The following NEGR1 variants were observed in gnomAD, a reference collection of about 807,000 sequenced individuals.
The protein encoded by NEGR1 is neuronal growth regulator 1.
A neutral mutation model predicts 40.9 loss-of-function variants in NEGR1; 10 were observed. The ratio of observed to expected loss-of-function variants is 0.24; its 90% confidence interval spans 0.15 to 0.42. NEGR1 has a LOEUF of 0.42. Ranked by LOEUF, NEGR1 falls within the 10% of genes least tolerant of loss-of-function variation. The pLI, the probability that NEGR1 is intolerant of heterozygous loss-of-function variation, is 1.00. For missense variants in NEGR1, 352 were observed against 438.9 expected, an observed-to-expected ratio of 0.80 and a Z score of 1.77; for synonymous variants, 185 against 166.8, an observed-to-expected ratio of 1.11 and a Z score of -0.84.
intron 1 of NEGR1, among the ~76,000 whole-genome samples, chr1:72,164,301 TA>T (rs1199924820): frequency 5.3e-5 from 8 of 151,316 alleles, no homozygotes; most frequent in African/African-American, 2.0e-4. Flanking sequence ...GTTTTTTTTT[TA>T]AATTTTTATT....
chr1:71,963,807 CA>C (rs2100301561), intron 1 of NEGR1, among the ~76,000 whole-genome samples: 1 of 152,162 alleles, frequency 6.6e-6, no homozygotes, highest in South Asian at 2.1e-4. Flanking sequence ...ATTTTTTTGA[CA>C]GTGTAGATTT....
chr1:72,270,293 A>G (rs1319466689), intron 1 of NEGR1, among the ~76,000 whole-genome samples: 2 of 151,872 alleles, frequency 1.3e-5, no homozygotes, highest in East Asian at 3.9e-4. Flanking sequence ...CATGACTATA[A>G]AACACTATGC....
At chr1:71,759,596 CTTTTTTTT>C (rs71074804) in intron 3 of NEGR1, among the ~76,000 whole-genome samples, 8 of 31,958 alleles carry the variant, frequency 2.5e-4, no homozygotes, top group East Asian at 1.1e-3. Context: ...TGCGTCCAGG[CTTTTTTTT>C]TTTTTTTTTT....
intron 5 of NEGR1, among the ~76,000 whole-genome samples, chr1:71,593,219 A>G (rs1485136627): frequency 6.6e-6 from 1 of 152,198 alleles, no homozygotes; most frequent in Non-Finnish European, 1.5e-5. Flanking sequence ...GGATAGCTAC[A>G]TGTCCTATTT....
intron 1 of NEGR1, among the ~76,000 whole-genome samples, chr1:72,043,010 T>G (rs550468178): frequency 6.6e-6 from 1 of 151,958 alleles, no homozygotes; most frequent in Non-Finnish European, 1.5e-5. Flanking sequence ...CTGCATGCAT[T>G]GCATTTGTCT....
chr1:71,845,922 G>GA (rs1338622702), intron 2 of NEGR1, among the ~76,000 whole-genome samples: 1 of 93,510 alleles, frequency 1.1e-5, no homozygotes, highest in East Asian at 3.6e-4. Flanking sequence ...ACGGCACCTG[G>GA]CTTTTTTTTT....
intron 1 of NEGR1, among the ~76,000 whole-genome samples, chr1:72,022,366 G>T (rs1646768753): frequency 6.9e-6 from 1 of 144,638 alleles, no homozygotes; most frequent in African/African-American, 2.5e-5. Context: ...TAAACACATT[G>T]TTTCTATTTA....
chr1:71,426,774 T>C (rs527590744), intron 6 of NEGR1, among the ~76,000 whole-genome samples: 1 of 152,282 alleles, frequency 6.6e-6, no homozygotes, highest in South Asian at 2.1e-4. Flanking sequence ...AAAATTCCTA[T>C]CTGTTTTCAA....
At chr1:71,733,011 G>A (rs888079977) in intron 3 of NEGR1, among the ~76,000 whole-genome samples, 3 of 151,190 alleles carry the variant, frequency 2.0e-5, no homozygotes, top group Admixed American at 1.3e-4. Flanking sequence ...AATGTGCATC[G>A]TGAGTCTCCA....
intron 6 of NEGR1, among the ~76,000 whole-genome samples, chr1:71,526,150 A>G (rs1647213690): frequency 6.6e-6 from 1 of 151,424 alleles, no homozygotes; most frequent in Admixed American, 6.6e-5. Context: ...TAATCAACTA[A>G]TTATGGATAA....
At chr1:71,632,240 T>A (rs1650991686) in intron 4 of NEGR1, among the ~76,000 whole-genome samples, 1 of 151,610 alleles carries the variant, frequency 6.6e-6, no homozygotes, top group African/African-American at 2.4e-5. Context: ...CATATGCAAT[T>A]ATGTATGCAC....
chr1:71,850,378 G>A (rs1182098237), intron 2 of NEGR1, among the ~76,000 whole-genome samples: 1 of 151,788 alleles, frequency 6.6e-6, no homozygotes, highest in Non-Finnish European at 1.5e-5. Context: ...CTGGTCTTGA[G>A]TTCCTGGGCT....
chr1:72,246,036 T>C (rs958573085), intron 1 of NEGR1, among the ~76,000 whole-genome samples: 5 of 152,170 alleles, frequency 3.3e-5, no homozygotes, highest in Non-Finnish European at 4.4e-5. Flanking sequence ...TTCTCTTGAA[T>C]TTTTTGAGTT....
intron 1 of NEGR1, among the ~76,000 whole-genome samples, chr1:72,176,988 T>C (rs1340737543): frequency 6.6e-6 from 1 of 151,992 alleles, no homozygotes; most frequent in Non-Finnish European, 1.5e-5. Flanking sequence ...TGTATGGCCA[T>C]AGACTCAAGA....
intron 2 of NEGR1, among the ~76,000 whole-genome samples, chr1:71,922,809 C>A (rs1358185688): frequency 6.6e-6 from 1 of 152,068 alleles, no homozygotes; most frequent in Non-Finnish European, 1.5e-5. Flanking sequence ...TATAGCAAAC[C>A]AGAGAGCTGG....
At chr1:71,447,258 A>G (rs1646589152) in intron 6 of NEGR1, among the ~76,000 whole-genome samples, 1 of 152,184 alleles carries the variant, frequency 6.6e-6, no homozygotes, top group African/African-American at 2.4e-5. Context: ...AAAAATTGTA[A>G]AAATTGTCTT....
chr1:72,090,152 G>A (rs1319756772), intron 1 of NEGR1, among the ~76,000 whole-genome samples: 2 of 151,894 alleles, frequency 1.3e-5, no homozygotes, highest in African/African-American at 4.8e-5. Context: ...ATACCTATGA[G>A]CAGAAGTTCC....
chr1:72,159,885 T>C (rs1213030043), intron 1 of NEGR1, among the ~76,000 whole-genome samples: 2 of 152,138 alleles, frequency 1.3e-5, no homozygotes, highest in African/African-American at 2.4e-5. Context: ...ACACAAACTA[T>C]ACATATTATA....
intron 2 of NEGR1, among the ~76,000 whole-genome samples, chr1:71,863,312 G>A (rs1281573637): frequency 2.0e-5 from 3 of 152,156 alleles, no homozygotes; most frequent in African/African-American, 7.2e-5. Context: ...CATGGATGGA[G>A]CTGGAAGCCA....
Sources: gnomAD v4.1 joint callset for allele counts (sites outside exome capture counted in the v4.1 genomes callset) on GRCh38, gnomAD v4.1.1 for gene constraint, MANE v1.5 for transcripts, NCBI Gene and HGNC (gene_info 2026-07-23, HGNC 2026-07-21) for gene names.